Variants in ANKDD1B observed in about 807,000 individuals in gnomAD.
The protein encoded by ANKDD1B is ankyrin repeat and death domain containing 1B.
ANKDD1B carries 57 observed loss-of-function variants against 59.7 expected under a neutral mutation model. The observed-to-expected ratio is 0.95, with a 90% CI of 0.77 to 1.19. The LOEUF (loss-of-function observed/expected upper bound fraction) is 1.19. ANKDD1B is among the 50% of genes most tolerant of loss of function. ANKDD1B has a pLI of 0.00. For synonymous variants in ANKDD1B, 216 were observed against 239.5 expected, an observed-to-expected ratio of 0.90 and a Z score of 0.91; for missense variants, 602 against 641.9, an observed-to-expected ratio of 0.94 and a Z score of 0.67.
At chr5:75,655,221 G>C (rs1297238856) in intron 8 of ANKDD1B, among the ~76,000 whole-genome samples, 3 of 152,210 alleles carry the variant, frequency 2.0e-5, no homozygotes, top group African/African-American at 7.2e-5. Flanking sequence ...GTTGGGATAA[G>C]TGAGAGGGGC....
intron 7 of ANKDD1B, among the ~76,000 whole-genome samples, chr5:75,648,437 C>T (rs1156626458): frequency 6.6e-6 from 1 of 151,956 alleles, no homozygotes; most frequent in Non-Finnish European, 1.5e-5. Context: ...GTCAGGCTTA[C>T]TCCATTATTT....
chr5:75,613,626 A>C (rs1773631757), intron 1 of ANKDD1B, among the ~76,000 whole-genome samples: 1 of 152,220 alleles, frequency 6.6e-6, no homozygotes, highest in Non-Finnish European at 1.5e-5. Context: ...AATTACGTAG[A>C]TTAGTAAATT....
chr5:75,624,517 C>G (rs979683238), intron 3 of ANKDD1B, among the ~76,000 whole-genome samples: 4 of 152,164 alleles, frequency 2.6e-5, no homozygotes, highest in Non-Finnish European at 5.9e-5. Flanking sequence ...TCACTAAGTC[C>G]TGGTCTCTTT....
chr5:75,627,169 G>T (rs192689092), intron 5 of ANKDD1B, among the ~76,000 whole-genome samples: 1 of 152,170 alleles, frequency 6.6e-6, no homozygotes, highest in Non-Finnish European at 1.5e-5. Context: ...TAGCTGTGTG[G>T]TTTTAAGCAA....
intron 2 of ANKDD1B, among the ~76,000 whole-genome samples, chr5:75,619,192 C>T (rs185436362): frequency 1.3e-5 from 2 of 152,306 alleles, no homozygotes; most frequent in Admixed American, 1.3e-4. Flanking sequence ...TGCTTGTATA[C>T]CTGATAACAA....
intron 1 of ANKDD1B, among the ~76,000 whole-genome samples, chr5:75,613,098 C>T (rs778286388): frequency 2.0e-5 from 3 of 151,940 alleles, no homozygotes; most frequent in Admixed American, 6.6e-5. Flanking sequence ...TTTGGCAAGG[C>T]GGAGTGACCT....
chr5:75,641,196 G>A (rs1489600655), intron 7 of ANKDD1B, among the ~76,000 whole-genome samples: 2 of 152,050 alleles, frequency 1.3e-5, no homozygotes, highest in African/African-American at 4.8e-5. Flanking sequence ...TATTTTTTTA[G>A]ATCACAAAAA....
intron 11 of ANKDD1B, 24 bp downstream of exon 11, chr5:75,663,513 A>G: frequency 6.6e-7 from 1 of 1,514,418 alleles, no homozygotes; most frequent in Non-Finnish European, 8.9e-7. Context: ...ATCCCAGCAC[A>G]GCAGGGGCTT....
intron 2 of ANKDD1B, among the ~76,000 whole-genome samples, chr5:75,617,436 T>C (rs1283282758): frequency 6.6e-6 from 1 of 152,198 alleles, no homozygotes; most frequent in Non-Finnish European, 1.5e-5. Context: ...TCTTACTTGT[T>C]CTTTAAGTGC....
chr5:75,620,868 T>A (rs1307652228), intron 3 of ANKDD1B, among the ~76,000 whole-genome samples: 1 of 152,186 alleles, frequency 6.6e-6, no homozygotes, highest in Non-Finnish European at 1.5e-5. Context: ...GTCTCCATGA[T>A]CAGCTCCCCT....
At chr5:75,618,668 T>G (rs1561431308) in intron 2 of ANKDD1B, among the ~76,000 whole-genome samples, 1 of 152,238 alleles carries the variant, frequency 6.6e-6, no homozygotes, top group Non-Finnish European at 1.5e-5. Flanking sequence ...ATAGTGGAGC[T>G]TATAAGCCCA....
chr5:75,635,898 C>G lies in ANKDD1B; in HGVS notation c.798+16C>G. On this transcript the variant is annotated intron_variant, in intron 7 of 13. Transcript: ENST00000601380. ...GATGAATGAGGTATGTGGAAGTGCT[C>G]GTTATTGCCATAGGACTTAAATGTG... The G allele has an allele frequency of 6.8e-7, 1 of 1,467,188 alleles. No individual in the cohort carries two copies. The highest frequency in any genetic ancestry group is 2.0e-5 in the Admixed American group (1 of 50,226). The allele number at this position is 1,467,188 out of a possible 1,614,324, so 90.9% of individuals were successfully genotyped here. A position where few individuals can be genotyped will look rare whatever the true frequency, so the allele number is the denominator to read the frequency against.
rs1579987251 is a variant in ANKDD1B, at chr5:75,671,050, G to T, written c.*10G>T. 2 of 1,210,476 alleles carry T rather than the reference G, an allele frequency of 1.7e-6. No individual in the cohort carries two copies. The highest frequency in any genetic ancestry group is 1.6e-5 in the African/African-American group (1 of 64,002). The allele number at this position is 1,210,476 out of a possible 1,614,324, so 75.0% of individuals were successfully genotyped here. A position where few individuals can be genotyped will look rare whatever the true frequency, so the allele number is the denominator to read the frequency against. On this transcript the variant is annotated 3_prime_UTR_variant, in exon 14 of 14. Transcript: ENST00000601380. ...ATGTGTAGTTTCATAAATGCCTAAA[G>T]AAATTGTATTTACATGATTTTCCAC...
chr5:75,627,255 A>G (rs1774019126), intron 5 of ANKDD1B, among the ~76,000 whole-genome samples: 1 of 152,200 alleles, frequency 6.6e-6, no homozygotes, highest in African/African-American at 2.4e-5. Flanking sequence ...TGGTAACAAC[A>G]AGGGTTGATA....
rs533163925 is a variant in ANKDD1B, at chr5:75,652,047, C to A, written c.799-1095C>A. Among the ~76,000 whole-genome samples, 16 of 152,266 alleles carry A rather than the reference C, an allele frequency of 1.1e-4. No individual in the cohort carries two copies. In the South Asian group the frequency reaches 3.3e-3, roughly 32 times the overall value. On this transcript the variant is annotated intron_variant, in intron 7 of 13. Transcript: ENST00000601380. Reference sequence around the variant, plus strand: ...CAAAGGAGTGAAGAAAATAACCCTGCCTCTTGATGAGGGGAGTGGCAAGGT... The same window carrying A: ...CAAAGGAGTGAAGAAAATAACCCTGACTCTTGATGAGGGGAGTGGCAAGGT...
chr5:75,611,920 G>A, intron 1 of ANKDD1B, 93 bp downstream of exon 1: 1 of 1,067,474 alleles, frequency 9.4e-7, no homozygotes, highest in Non-Finnish European at 1.2e-6. Context: ...ACCTCCGGAC[G>A]CTGCAGGAGG....
At position 75,663,460 on chromosome 5, in the gene ANKDD1B, A is replaced by G; in HGVS notation, c.1162A>G (p.Lys388Glu). 1.3e-6 allele frequency: 2 copies of G among 1,536,434 alleles called. No homozygotes were observed. Among genetic ancestry groups the G allele is most frequent in the African/African-American group, 2.7e-5 (2 of 73,174 alleles). Residue 388 changes from lysine (K) to glutamate (E), a missense_variant, in exon 11 of 14, where the codon AAA becomes GAA. This residue lies in a region of ANKDD1B where 280 missense variants were observed against 319.8 expected (regional missense o/e 0.88). Transcript: ENST00000601380. Reference sequence around the variant, plus strand: ...TAGCCTTGTCGTGGGCATGCTCATTAAAGCAGAGAGATACTACGCCTGGAG... The same window carrying G: ...TAGCCTTGTCGTGGGCATGCTCATTGAAGCAGAGAGATACTACGCCTGGAG... ...NHSLVVGMLIKAERYYAWREE... is the reference protein window; with the variant it reads ...NHSLVVGMLIEAERYYAWREE...
At chr5:75,666,649 T>A in intron 11 of ANKDD1B, 143 bp from the exon 12 acceptor site, 2 of 591,910 alleles carry the variant, frequency 3.4e-6, no homozygotes, top group Non-Finnish European at 2.9e-6. Context: ...AAAAAATATA[T>A]ATATGATCCA....
Position 75,666,805 on chromosome 5 carries a change from G to A in ANKDD1B, c.1205G>A (p.Ser402Asn), listed in dbSNP as rs1228902928. 7 of 1,534,856 alleles carry A rather than the reference G, an allele frequency of 4.6e-6. No individual in the cohort carries two copies. Among genetic ancestry groups the A allele is most frequent in the Non-Finnish European group, 6.1e-6 (7 of 1,145,966 alleles). ...YYAWREEHHESIRDPSTGFTL... is the reference protein window; with the variant it reads ...YYAWREEHHENIRDPSTGFTL... Reference sequence around the variant, plus strand: ...TTTTCACTTTAGGAGCATCATGAGAGCATCAGGGACCCGTCAACAGGCTTT... The same window carrying A: ...TTTTCACTTTAGGAGCATCATGAGAACATCAGGGACCCGTCAACAGGCTTT... The change falls in exon 12 of 14, where the codon AGC becomes AAC. Residue 402 changes from serine (S) to asparagine (N), a missense_variant. Ser to Asn is a conservative substitution (Grantham distance 46). This residue lies in a region of ANKDD1B where 280 missense variants were observed against 319.8 expected (regional missense o/e 0.88). Coordinates refer to ENST00000601380, the MANE Select transcript of ANKDD1B (RefSeq NM_001276713.2).
Sources: allele counts gnomAD v4.1 joint callset (sites outside exome capture counted in the v4.1 genomes callset), GRCh38; gene constraint gnomAD v4.1.1; regional missense constraint gnomAD v4.1.1; transcripts MANE v1.5; gene names NCBI Gene and HGNC (gene_info 2026-07-23, HGNC 2026-07-21).